PLXNA2: variants seen among roughly 807,000 people sequenced by gnomAD.
The protein encoded by PLXNA2 is plexin A2, also known as plexin-A2.
Under a neutral mutation model 193.5 loss-of-function variants are expected in PLXNA2, and 91 were observed. That is an observed-to-expected ratio of 0.47 (90% confidence interval 0.40 to 0.56). PLXNA2 has a LOEUF of 0.56. Ranked by LOEUF, PLXNA2 falls within the 20% of genes least tolerant of loss-of-function variation. PLXNA2 has a pLI of 0.00. For synonymous variants in PLXNA2, 997 were observed against 1,027.3 expected, an observed-to-expected ratio of 0.97 and a Z score of 0.56; for missense variants, 1,995 against 2,503.2, an observed-to-expected ratio of 0.80 and a Z score of 4.33.
intron 29 of PLXNA2, chr1:208,029,877 TC>T (rs1664447687): frequency 1.0e-6 from 1 of 985,596 alleles, no homozygotes; most frequent in African/African-American, 1.7e-5. Context: ...CTTTGCCTTC[TC>T]TTCCAGCTGC....
chr1:208,200,308 C>T (rs746956137), intron 3 of PLXNA2, among the ~76,000 whole-genome samples: 2 of 152,202 alleles, frequency 1.3e-5, no homozygotes, highest in African/African-American at 2.4e-5. Context: ...ACATTCATCT[C>T]CATGTATTTC....
At chr1:208,188,394 C>A (rs1478377946) in intron 3 of PLXNA2, among the ~76,000 whole-genome samples, 2 of 152,236 alleles carry the variant, frequency 1.3e-5, no homozygotes, top group South Asian at 2.1e-4. Context: ...ACTCAATAAT[C>A]TCAGTTCAAT....
At chr1:208,040,187 C>T in intron 22 of PLXNA2, 129 bp from the exon 23 acceptor site, 3 of 715,664 alleles carry the variant, frequency 4.2e-6, no homozygotes. Flanking sequence ...AGTCAGGACA[C>T]CTGGGTCCCA....
chr1:208,203,712 A>C (rs1357738350), intron 3 of PLXNA2, among the ~76,000 whole-genome samples: 1 of 152,202 alleles, frequency 6.6e-6, no homozygotes, highest in Non-Finnish European at 1.5e-5. Flanking sequence ...GGGGGTGAGC[A>C]TATAACCTTG....
At chr1:208,079,978 C>T (rs1666285306) in intron 11 of PLXNA2, among the ~76,000 whole-genome samples, 1 of 152,098 alleles carries the variant, frequency 6.6e-6, no homozygotes, top group Non-Finnish European at 1.5e-5. Context: ...CTGCTTTCCT[C>T]CATTGAAGGA....
intron 3 of PLXNA2, 37 bp downstream of exon 3, chr1:208,210,243 G>T (rs759424667): frequency 4.4e-6 from 7 of 1,605,826 alleles, no homozygotes; most frequent in Non-Finnish European, 6.0e-6. Context: ...CTGAGGAGGT[G>T]AATGGCATTG....
intron 3 of PLXNA2, among the ~76,000 whole-genome samples, chr1:208,186,712 T>A (rs1670011670): frequency 1.0e-5 from 1 of 98,806 alleles, no homozygotes; most frequent in Admixed American, 1.2e-4. Flanking sequence ...AATGTTATTT[T>A]ATTTTTTTTT....
intron 17 of PLXNA2, among the ~76,000 whole-genome samples, chr1:208,048,700 C>T (rs1171960235): frequency 6.6e-6 from 1 of 152,178 alleles, no homozygotes; most frequent in East Asian, 1.9e-4. Context: ...GCTTCCCAGC[C>T]CAGGCTTCTC....
At chr1:208,182,203 G>T (rs1385103096) in intron 3 of PLXNA2, among the ~76,000 whole-genome samples, 5 of 152,214 alleles carry the variant, frequency 3.3e-5, no homozygotes, top group Non-Finnish European at 7.3e-5. Context: ...GGGAGGCTGA[G>T]GCGGGCGGAT....
chr1:208,077,913 C>T (rs766857391), intron 12 of PLXNA2, among the ~76,000 whole-genome samples: 3 of 152,156 alleles, frequency 2.0e-5, no homozygotes, highest in Non-Finnish European at 2.9e-5. Flanking sequence ...GCTCTCCCAC[C>T]GACAGCCCTG....
intron 4 of PLXNA2, among the ~76,000 whole-genome samples, chr1:208,125,211 GGAGGT>G (rs1404903543): frequency 6.6e-6 from 1 of 152,196 alleles, no homozygotes; most frequent in African/African-American, 2.4e-5. Flanking sequence ...ATTAAATCCG[GGAGGT>G]GAGGATAACA....
chr1:208,057,567 T>G (rs1355573410), intron 13 of PLXNA2, among the ~76,000 whole-genome samples: 1 of 152,184 alleles, frequency 6.6e-6, no homozygotes, highest in Admixed American at 6.5e-5. Context: ...CACCACCACC[T>G]CCTTCAAGCC....
At chr1:208,109,787 C>T (rs1263696394) in intron 4 of PLXNA2, among the ~76,000 whole-genome samples, 2 of 152,160 alleles carry the variant, frequency 1.3e-5, no homozygotes, top group African/African-American at 4.8e-5. Context: ...AGAAGGTGGC[C>T]CAGGAGTCCA....
intron 3 of PLXNA2, among the ~76,000 whole-genome samples, chr1:208,203,234 C>T (rs374033309): frequency 2.0e-5 from 3 of 152,182 alleles, no homozygotes; most frequent in East Asian, 3.9e-4. Context: ...AGCTTGGCGG[C>T]GGGAGCCCGG....
intron 3 of PLXNA2, among the ~76,000 whole-genome samples, chr1:208,144,232 C>A (rs967212886): frequency 6.6e-6 from 1 of 152,194 alleles, no homozygotes; most frequent in Admixed American, 6.5e-5. Flanking sequence ...CCTGATGCCA[C>A]AACAAGTACA....
At chr1:208,027,988 C>T in intron 31 of PLXNA2, 21 bp downstream of exon 31, 2 of 1,530,558 alleles carry the variant, frequency 1.3e-6, no homozygotes, top group Admixed American at 2.0e-5. Flanking sequence ...GGTTTCTGTC[C>T]CTGCTGGGGC....
At chr1:208,174,413 G>A (rs1248261330) in intron 3 of PLXNA2, among the ~76,000 whole-genome samples, 1 of 152,008 alleles carries the variant, frequency 6.6e-6, no homozygotes, top group African/African-American at 2.4e-5. Context: ...CGCCGCGGGT[G>A]GGGGTGGGAG....
intron 1 of PLXNA2, among the ~76,000 whole-genome samples, chr1:208,222,512 G>A (rs528805868): frequency 9.7e-4 from 147 of 152,304 alleles, no homozygotes; most frequent in African/African-American, 3.4e-3. Context: ...AATATTTTAT[G>A]TGGAGGGCCC....
chr1:208,120,884 G>T (rs1164221470), intron 4 of PLXNA2, among the ~76,000 whole-genome samples: 1 of 152,144 alleles, frequency 6.6e-6, no homozygotes, highest in Non-Finnish European at 1.5e-5. Context: ...AGGCTCCAAG[G>T]AGGAGGCAAG....
Sources: gnomAD v4.1 joint callset for allele counts (sites outside exome capture counted in the v4.1 genomes callset) on GRCh38, gnomAD v4.1.1 for gene constraint, MANE v1.5 for transcripts, NCBI Gene and HGNC (gene_info 2026-07-23, HGNC 2026-07-21) for gene names.